The following PRKCA variants were observed in gnomAD, a reference collection of about 807,000 sequenced individuals.
PRKCA encodes protein kinase C alpha, also known as protein kinase C alpha type.
Under a neutral mutation model 87.0 loss-of-function variants are expected in PRKCA, and 27 were observed. The observed-to-expected ratio is 0.31, with a 90% confidence interval of 0.23 to 0.43. PRKCA has a LOEUF of 0.43. PRKCA is among the 20% of genes least tolerant of loss of function. PRKCA has a pLI of 1.00. For missense variants in PRKCA, 518 were observed against 852.3 expected (o/e 0.61, Z 4.88); for synonymous variants, 329 against 311.1 (o/e 1.06, Z -0.61).
At chr17:66,374,662 T>TA (rs1451578345) in intron 2 of PRKCA, among the ~76,000 whole-genome samples, 2 of 151,590 alleles carry the variant, frequency 1.3e-5, no homozygotes, top group Admixed American at 6.6e-5. Flanking sequence ...TGTGATGACT[T>TA]AATTACAACT....
chr17:66,499,838 ACAAAAGATCATGCATTCACC>A (rs1159951286), intron 3 of PRKCA, among the ~76,000 whole-genome samples: 7 of 152,184 alleles, frequency 4.6e-5, no homozygotes, highest in Admixed American at 1.3e-4. Flanking sequence ...TGCCTGGTTC[ACAAAAGATCATGCATTCACC>A]CAAAAGATCA....
At chr17:66,765,428 A>ATATCTATATATCTATATATCTATCTATC (rs1568020922) in intron 13 of PRKCA, among the ~76,000 whole-genome samples, 28 of 102,824 alleles carry the variant, frequency 2.7e-4, no homozygotes, top group African/African-American at 1.1e-3. Context: ...CTATATATAT[A>ATATCTATATATCTATATATCTATCTATC]TATATATATA....
chr17:66,577,831 G>A (rs9913717), intron 3 of PRKCA, among the ~76,000 whole-genome samples: 2,332 of 152,150 alleles, frequency 0.015, 70 homozygotes, highest in African/African-American at 0.051. Context: ...GAGTGAGGAC[G>A]GGGTAGTGGG....
At chr17:66,376,844 G>A (rs1041591613) in intron 2 of PRKCA, among the ~76,000 whole-genome samples, 1 of 152,002 alleles carries the variant, frequency 6.6e-6, no homozygotes, top group South Asian at 2.1e-4. Flanking sequence ...GCTCCTTGTT[G>A]TGTGGACCTG....
chr17:66,310,520 T>G (rs1905041304), intron 2 of PRKCA, among the ~76,000 whole-genome samples: 1 of 152,170 alleles, frequency 6.6e-6, no homozygotes, highest in African/African-American at 2.4e-5. Context: ...AGCTCTGCAT[T>G]TTTCAGTGTT....
chr17:66,635,101 G>A (rs1971115761), intron 3 of PRKCA, among the ~76,000 whole-genome samples: 1 of 152,176 alleles, frequency 6.6e-6, no homozygotes, highest in Non-Finnish European at 1.5e-5. Flanking sequence ...AGCAGGTGGA[G>A]TCCTGGCAGG....
intron 8 of PRKCA, among the ~76,000 whole-genome samples, chr17:66,717,009 C>T (rs1251664311): frequency 6.6e-6 from 1 of 152,162 alleles, no homozygotes; most frequent in Non-Finnish European, 1.5e-5. Context: ...TTTCCTTTTC[C>T]TGTGCTGCCT....
chr17:66,605,999 A>G (rs770467910), intron 3 of PRKCA, among the ~76,000 whole-genome samples: 1 of 152,200 alleles, frequency 6.6e-6, no homozygotes, highest in Non-Finnish European at 1.5e-5. Flanking sequence ...ACAAATTGTG[A>G]TAATGGGAGC....
chr17:66,525,541 C>T lies in PRKCA; in HGVS notation c.288+29258C>T, dbSNP rs1192912752. ...GGAGAGAGACAGATTAGCGCTGGCA[C>T]GTGTGAGACAGTGGTTAGTGAAGGG... On this transcript the variant is annotated intron_variant, in intron 3 of 16. Coordinates refer to ENST00000413366, the MANE Select transcript of PRKCA (RefSeq NM_002737.3). Among the ~76,000 whole-genome samples the T allele has an allele frequency of 2.6e-5, 4 of 152,184 alleles. No individual in the cohort carries two copies. In the South Asian group the frequency reaches 6.2e-4, roughly 24 times the overall value.
chr17:66,512,983 G>A (rs575552591), intron 3 of PRKCA, among the ~76,000 whole-genome samples: 6 of 152,188 alleles, frequency 3.9e-5, no homozygotes, highest in African/African-American at 1.2e-4. Context: ...GTGAGCCGCC[G>A]CACCTGGTCC....
chr17:66,791,620 G>T (rs746344896), intron 16 of PRKCA, among the ~76,000 whole-genome samples: 24 of 152,214 alleles, frequency 1.6e-4, no homozygotes, highest in Non-Finnish European at 3.2e-4. Context: ...AGCCGAGTGA[G>T]GCTCATCGCA....
At chr17:66,518,729 A>G (rs955660124) in intron 3 of PRKCA, among the ~76,000 whole-genome samples, 2 of 152,172 alleles carry the variant, frequency 1.3e-5, no homozygotes, top group Non-Finnish European at 1.5e-5. Context: ...TTAACCCAAA[A>G]TCTAATGCCC....
intron 2 of PRKCA, among the ~76,000 whole-genome samples, chr17:66,343,915 A>C (rs564448807): frequency 6.6e-6 from 1 of 152,142 alleles, no homozygotes; most frequent in African/African-American, 2.4e-5. Context: ...GATGCCTACC[A>C]TTGTATGTTT....
intron 5 of PRKCA, among the ~76,000 whole-genome samples, chr17:66,647,016 G>A (rs978194672): frequency 1.3e-5 from 2 of 152,086 alleles, no homozygotes; most frequent in African/African-American, 2.4e-5. Flanking sequence ...TCTTTTTAAT[G>A]GGCTGATGCT....
intron 3 of PRKCA, among the ~76,000 whole-genome samples, chr17:66,498,938 G>A (rs1447381941): frequency 2.0e-5 from 3 of 152,174 alleles, no homozygotes; most frequent in Non-Finnish European, 4.4e-5. Context: ...AGGCTTAGGA[G>A]CATTGGGGGC....
chr17:66,365,247 G>T (rs1329434645), intron 2 of PRKCA, among the ~76,000 whole-genome samples: 1 of 152,136 alleles, frequency 6.6e-6, no homozygotes, highest in Non-Finnish European at 1.5e-5. Context: ...TGGATTTCTG[G>T]CATCTATTGA....
chr17:66,615,292 G>C (rs1361869466), intron 3 of PRKCA, among the ~76,000 whole-genome samples: 2 of 152,146 alleles, frequency 1.3e-5, no homozygotes, highest in Non-Finnish European at 2.9e-5. Context: ...GCCTCGGTGT[G>C]CCCAGCTCAA....
intron 2 of PRKCA, among the ~76,000 whole-genome samples, chr17:66,448,839 G>A (rs959524388): frequency 1.3e-5 from 2 of 148,372 alleles, no homozygotes; most frequent in Admixed American, 6.8e-5. Context: ...TCTGTGGACA[G>A]GCATAAGTGA....
At chr17:66,726,312 G>A (rs1352754221) in intron 8 of PRKCA, among the ~76,000 whole-genome samples, 1 of 152,184 alleles carries the variant, frequency 6.6e-6, no homozygotes, top group African/African-American at 2.4e-5. Flanking sequence ...AGGGGATACG[G>A]GTGGGGCCCT....
Sources: allele counts gnomAD v4.1 joint callset (sites outside exome capture counted in the v4.1 genomes callset), GRCh38; gene constraint gnomAD v4.1.1; transcripts MANE v1.5; gene names NCBI Gene and HGNC (gene_info 2026-07-23, HGNC 2026-07-21).